UNC80: variants seen among roughly 807,000 people sequenced by gnomAD.
The protein encoded by UNC80 is protein unc-80 homolog.
UNC80 carries 164 observed loss-of-function variants against 384.6 expected under a neutral mutation model. The ratio of observed to expected loss-of-function variants is 0.43; its 90% confidence interval spans 0.38 to 0.49. The LOEUF is 0.49. UNC80 is among the 20% of genes least tolerant of loss of function. The pLI is 0.00. For missense variants in UNC80, 3,330 were observed against 4,143.0 expected (o/e 0.80, Z 5.39); for synonymous variants, 1,486 against 1,527.8 (o/e 0.97, Z 0.64).
chr2:209,930,175 T>C (rs1257090538), intron 37 of UNC80, among the ~76,000 whole-genome samples: 1 of 152,138 alleles, frequency 6.6e-6, no homozygotes, highest in Non-Finnish European at 1.5e-5. Flanking sequence ...TTTCTATATA[T>C]ATATATATTA....
chr2:209,883,735 C>A (rs1405599068), intron 25 of UNC80, among the ~76,000 whole-genome samples: 4 of 152,054 alleles, frequency 2.6e-5, no homozygotes, highest in African/African-American at 9.7e-5. Flanking sequence ...ATCTGGCCCC[C>A]ACTCTTTGAT....
chr2:209,792,725 T>G (rs1005352809), intron 6 of UNC80, among the ~76,000 whole-genome samples: 51 of 152,204 alleles, frequency 3.4e-4, no homozygotes, highest in Admixed American at 2.0e-3. Flanking sequence ...TAAAAACAAT[T>G]TCACCTGTTC....
chr2:209,779,039 A>G (rs2077018037), intron 4 of UNC80, among the ~76,000 whole-genome samples: 1 of 152,222 alleles, frequency 6.6e-6, no homozygotes, highest in Admixed American at 6.5e-5. Context: ...CACATTGCCC[A>G]TCAAACATAC....
rs2087986166 is a variant in UNC80 at position 209,904,870 on chromosome 2, A to G, written c.4687A>G (p.Arg1563Gly). ...HHSRSCARLV[R>G]AIKLLYGDSV... ...CAGCCGCTCCTGTGCCCGACTGGTC[A>G]GAGCCATCAAGCTACTCTATGGAGA... Residue 1563 changes from arginine to glycine, a missense_variant, in exon 29 of 65, where the codon AGA (arginine) becomes GGA (glycine). Arg to Gly is a moderately radical substitution (Grantham distance 125). Around this residue, in one of 8 missense-constraint regions of UNC80, gnomAD observed 801 missense variants for 950.8 expected, o/e 0.84. Coordinates refer to ENST00000673920, the MANE Select transcript of UNC80 (RefSeq NM_001371986.1). 1 of 1,551,804 alleles carries G rather than the reference A, an allele frequency of 6.4e-7. No homozygotes were observed. The highest frequency in any genetic ancestry group is 1.4e-5 in the African/African-American group (1 of 73,052).
At chr2:209,837,766 C>A (rs1311294470) in intron 18 of UNC80, among the ~76,000 whole-genome samples, 2 of 151,698 alleles carry the variant, frequency 1.3e-5, no homozygotes, top group African/African-American at 4.8e-5. Flanking sequence ...CCTTCTTGTA[C>A]CTACATCTTT....
intron 35 of UNC80, among the ~76,000 whole-genome samples, chr2:209,924,130 T>C (rs936539826): frequency 2.0e-5 from 3 of 152,154 alleles, no homozygotes; most frequent in Non-Finnish European, 2.9e-5. Context: ...TTATGTTGAC[T>C]GCTTTTATTT....
chr2:209,853,316 AT>A (rs1380400345), intron 22 of UNC80, among the ~76,000 whole-genome samples: 1 of 152,120 alleles, frequency 6.6e-6, no homozygotes, highest in African/African-American at 2.4e-5. Context: ...TAAAAATAGA[AT>A]TTAAATGTGA....
intron 22 of UNC80, among the ~76,000 whole-genome samples, chr2:209,868,908 G>C (rs1465438487): frequency 6.6e-6 from 1 of 152,172 alleles, no homozygotes; most frequent in Admixed American, 6.5e-5. Context: ...TAATATAATG[G>C]AATAGAAGCC....
chr2:209,960,025 C>T (rs964176147), intron 51 of UNC80, among the ~76,000 whole-genome samples: 3 of 152,210 alleles, frequency 2.0e-5, no homozygotes, highest in African/African-American at 7.2e-5. Flanking sequence ...CTTCTTCTCA[C>T]TACTATTTAC....
chr2:209,933,808 A>T lies in UNC80; in HGVS notation c.5995-14A>T. The T allele has an allele frequency of 1.3e-6, 2 of 1,545,956 alleles. No homozygotes were observed. The highest frequency in any genetic ancestry group is 1.7e-6 in the Non-Finnish European group (2 of 1,144,006). ...TATTGTAGCTTTGTGAACTCTTCTTATACTGACTTCTAGGTAGGATTAATC... is the reference window on the plus strand; with the variant it reads ...TATTGTAGCTTTGTGAACTCTTCTTTTACTGACTTCTAGGTAGGATTAATC... On this transcript the variant is annotated splice_polypyrimidine_tract_variant and intron_variant, in intron 38 of 64. Coordinates refer to ENST00000673920, the MANE Select transcript of UNC80 (RefSeq NM_001371986.1).
At chr2:209,984,364 A>G (rs1184539484) in intron 60 of UNC80, among the ~76,000 whole-genome samples, 1 of 152,138 alleles carries the variant, frequency 6.6e-6, no homozygotes, top group Non-Finnish European at 1.5e-5. Context: ...TCTTAATGGC[A>G]TCAGTTCCAA....
intron 47 of UNC80, chr2:209,951,498 CG>C (rs1170945827): frequency 6.6e-6 from 1 of 152,114 alleles, no homozygotes; most frequent in Non-Finnish European, 1.5e-5. Flanking sequence ...GAGATTTCAC[CG>C]TATTGGCCAG....
chr2:209,974,907 A>T (rs998604177), intron 56 of UNC80, among the ~76,000 whole-genome samples: 1 of 152,198 alleles, frequency 6.6e-6, no homozygotes, highest in Non-Finnish European at 1.5e-5. Context: ...TATGGTAGAG[A>T]AAGAGGAGTG....
chr2:209,994,261 G>T lies in UNC80; in HGVS notation c.9705G>T (p.Lys3235Asn). The T allele has an allele frequency of 6.5e-7, 1 of 1,548,088 alleles. No homozygotes were observed. Among genetic ancestry groups the T allele is most frequent in the Non-Finnish European group, 8.7e-7 (1 of 1,145,202 alleles). The change falls in exon 64 of 65, where the codon AAG becomes AAT. Residue 3235 changes from lysine to asparagine, a missense_variant. By Grantham distance (94) the Lys-to-Asn change is moderately conservative. Coordinates refer to ENST00000673920, the MANE Select transcript of UNC80 (RefSeq NM_001371986.1). ...CGGATCTCCACAGCGTGTCTCCCAA[G>T]CAGGTGAGGGCACTAGAGAAACAGG... is the stretch of plus-strand genomic sequence containing the variant. ...VVADLHSVSP[K>N]QSENFPTEEG...
chr2:209,813,443 A>T (rs1354430080), intron 7 of UNC80, 137 bp from the exon 8 acceptor site: 2 of 879,172 alleles, frequency 2.3e-6, no homozygotes, highest in Non-Finnish European at 3.4e-6. Flanking sequence ...AGTTGGAAGG[A>T]TATTAGAGTA....
chr2:209,945,751 G>C, intron 46 of UNC80, 96 bp from the exon 47 acceptor site: 1 of 773,688 alleles, frequency 1.3e-6, no homozygotes, highest in Non-Finnish European at 2.2e-6. Flanking sequence ...AAAGGCTACA[G>C]TATATACTGG....
At chr2:209,812,656 G>A (rs748881018) in intron 7 of UNC80, among the ~76,000 whole-genome samples, 1 of 152,134 alleles carries the variant, frequency 6.6e-6, no homozygotes, top group Non-Finnish European at 1.5e-5. Context: ...TACCATCTTG[G>A]ATCCCGGAAG....
intron 30 of UNC80, among the ~76,000 whole-genome samples, chr2:209,913,165 T>C (rs1470891043): frequency 6.6e-6 from 1 of 152,238 alleles, no homozygotes; most frequent in Non-Finnish European, 1.5e-5. Flanking sequence ...GCTTGACACA[T>C]TGTTATATTG....
At chr2:209,846,004 T>G (rs2082147933) in intron 21 of UNC80, among the ~76,000 whole-genome samples, 2 of 151,808 alleles carry the variant, frequency 1.3e-5, no homozygotes, top group South Asian at 4.1e-4. Context: ...TTTCTTCCCT[T>G]CTTTCCTTGT....
Sources: allele counts gnomAD v4.1 joint callset (sites outside exome capture counted in the v4.1 genomes callset), GRCh38; gene constraint gnomAD v4.1.1; regional missense constraint gnomAD v4.1.1; transcripts MANE v1.5; gene names NCBI Gene and HGNC (gene_info 2026-07-23, HGNC 2026-07-21).